The following TTC34 variants were observed in gnomAD, a reference collection of about 807,000 sequenced individuals.
The protein encoded by TTC34 is tetratricopeptide repeat protein 34.
A neutral mutation model predicts 40.7 loss-of-function variants in TTC34; 44 were observed. The observed-to-expected ratio is 1.08, with a 90% CI of 0.85 to 1.39. TTC34 has a LOEUF of 1.39. Among genes scored for constraint, TTC34 ranks in the 40% most tolerant of loss-of-function variants. TTC34 has a pLI of 0.00. For synonymous variants in TTC34, 422 were observed against 398.6 expected (o/e 1.06, Z -0.70); for missense variants, 884 against 838.0 (o/e 1.05, Z -0.68).
exon 9 of TTC34, chr1:2,641,456 C>T (rs1479245567): frequency 2.9e-5 from 45 of 1,535,566 alleles, no homozygotes; most frequent in Non-Finnish European, 3.7e-5. Flanking sequence ...CACCAGGAGG[C>T]CGCTCTCTAC....
At chr1:2,652,914 G>A (rs1639199688) in intron 6 of TTC34, among the ~76,000 whole-genome samples, 1 of 151,992 alleles carries the variant, frequency 6.6e-6, no homozygotes, top group Non-Finnish European at 1.5e-5. Context: ...AGAGTCTGGA[G>A]CAGCGCCCAC....
At chr1:2,759,409 C>T (rs1445799851) in intron 6 of TTC34, among the ~76,000 whole-genome samples, 1 of 109,638 alleles carries the variant, frequency 9.1e-6, no homozygotes, top group African/African-American at 4.0e-5. Flanking sequence ...CCCAGGTGGG[C>T]ATGTGACAGC....
Position 2,797,257 on chromosome 1 carries a change from G to A in TTC34, c.784+2787C>T, listed in dbSNP as rs540698446. On this transcript the variant is annotated intron_variant, in intron 2 of 8. Coordinates refer to ENST00000401095, the Ensembl canonical transcript of TTC34. ...CCCACCCACTAGCTGTTCAGTAAACGGCAGCTAATACTGCCATCCTCACCT... is the reference window on the plus strand; with the variant it reads ...CCCACCCACTAGCTGTTCAGTAAACAGCAGCTAATACTGCCATCCTCACCT... 4.6e-5 allele frequency among the ~76,000 whole-genome samples: 7 copies of A among 152,134 alleles called. No individual in the cohort carries two copies. In the East Asian group the frequency reaches 9.7e-4, roughly 21 times the overall value.
Position 2,789,649 on chromosome 1 carries a change from G to T in TTC34, c.1482C>A (p.Tyr494Ter), listed in dbSNP as rs1198624430. Reference sequence around the variant, plus strand: ...GCAGCCCCCGCTGGTTCCAGGGCACGTAGGCCTTGGCGGCCAGCAGCGCCT... The same window carrying T: ...GCAGCCCCCGCTGGTTCCAGGGCACTTAGGCCTTGGCGGCCAGCAGCGCCT... Residue 494 changes from tyrosine to a stop codon, truncating the protein, a stop_gained, in exon 3 of 9, where the codon TAC (tyrosine) becomes TAA (stop). Transcript: ENST00000401095. LOFTEE classifies it high-confidence loss of function. The T allele has an allele frequency of 1.9e-5, 26 of 1,340,044 alleles. No individual in the cohort carries two copies. The highest frequency in any genetic ancestry group is 3.9e-5 in the Admixed American group (1 of 25,622). The allele number at this position is 1,340,044 out of a possible 1,614,324, so 83.0% of individuals were successfully genotyped here. A position where few individuals can be genotyped will look rare whatever the true frequency, so the allele number is the denominator to read the frequency against.
chr1:2,772,940 C>G (rs868615534), intron 6 of TTC34, among the ~76,000 whole-genome samples: 5 of 137,456 alleles, frequency 3.6e-5, no homozygotes, highest in East Asian at 2.4e-4. Flanking sequence ...ACCCATACCC[C>G]CAGGCGAGCA....
chr1:2,699,500 G>A lies in TTC34; in HGVS notation c.2227-53937C>T, dbSNP rs557938134. ...CCTGGAGCAGCACCCACACACCCAG[G>A]CGAGAATCTGACAGCCTGGAACACC... On this transcript the variant is annotated intron_variant, in intron 6 of 8. Coordinates refer to ENST00000401095, the Ensembl canonical transcript of TTC34. Among the ~76,000 whole-genome samples the A allele has an allele frequency of 4.2e-5, 5 of 118,468 alleles. No homozygotes were observed. The East Asian group carries it at 1.1e-3, about 27-fold the overall frequency. 77.7% of individuals were successfully genotyped at this position (118,468 alleles called of 152,430 possible).
chr1:2,644,074 G>T (rs1024811771), intron 8 of TTC34, among the ~76,000 whole-genome samples, 190 bp downstream of exon 8: 4 of 152,246 alleles, frequency 2.6e-5, no homozygotes, highest in African/African-American at 9.6e-5. Flanking sequence ...CGGTGGGGTT[G>T]TAGGGCTAAG....
chr1:2,783,635 C>T, exon 6 of TTC34: 2 of 1,456,270 alleles, frequency 1.4e-6, no homozygotes, highest in Non-Finnish European at 1.8e-6. Context: ...GCCAGGTGCA[C>T]CAACGCCCGT....
intron 6 of TTC34, among the ~76,000 whole-genome samples, chr1:2,655,538 AGTGAGCATCTGACAG>A (rs1639314131): frequency 1.1e-5 from 1 of 93,548 alleles, no homozygotes; most frequent in African/African-American, 4.0e-5. Context: ...GCACACCCCC[AGTGAGCATCTGACAG>A]CCTGCAACAG....
chr1:2,750,447 C>CGA (rs1641278883), intron 6 of TTC34, among the ~76,000 whole-genome samples: 1 of 112,936 alleles, frequency 8.9e-6, no homozygotes, highest in Non-Finnish European at 1.8e-5. Flanking sequence ...ACCCACACAC[C>CGA]CAGGCGAGTA....
intron 6 of TTC34, among the ~76,000 whole-genome samples, chr1:2,656,435 AG>A (rs1181798487): frequency 1.6e-5 from 1 of 61,074 alleles, no homozygotes; most frequent in Non-Finnish European, 2.9e-5. Flanking sequence ...AGCATCTGAC[AG>A]CCTGCAACAG....
At chr1:2,666,178 G>C (rs1180356341) in intron 6 of TTC34, among the ~76,000 whole-genome samples, 85 of 88,426 alleles carry the variant, frequency 9.6e-4, no homozygotes, top group Admixed American at 1.4e-3. Flanking sequence ...ACCCACAGGT[G>C]AGCATCTGAC....
rs373638834 is a variant in TTC34, at chr1:2,788,748, G to A, written c.1628+755C>T. 3.3e-5 allele frequency among the ~76,000 whole-genome samples: 5 copies of A among 152,248 alleles called. No individual in the cohort carries two copies. The East Asian group carries it at 7.7e-4, about 23-fold the overall frequency. ...ACCCGGGAACTGCATGCCTGTCTCC[G>A]TCTCATGGAGAGAACATCCTGGAGA... On this transcript the variant is annotated intron_variant, in intron 3 of 8. Coordinates refer to ENST00000401095, the Ensembl canonical transcript of TTC34.
At chr1:2,697,984 T>C (rs144191049) in intron 6 of TTC34, among the ~76,000 whole-genome samples, 31 of 14,702 alleles carry the variant, frequency 2.1e-3, no homozygotes, top group African/African-American at 5.3e-3. Flanking sequence ...GAGCATCTTA[T>C]ATCCTGGAAC....
intron 3 of TTC34, 49 bp from the exon 4 acceptor site, chr1:2,787,755 C>A (rs1016785353): frequency 1.4e-6 from 2 of 1,431,194 alleles, no homozygotes; most frequent in Non-Finnish European, 1.9e-6. Flanking sequence ...ACAACCCCTC[C>A]ACCTGCCCAG....
Position 2,750,286 on chromosome 1 carries a change from C to T in TTC34, c.2226+33323G>A, listed in dbSNP as rs1332366417. Among the ~76,000 whole-genome samples, 360 of 137,454 alleles carry T rather than the reference C, an allele frequency of 2.6e-3. 101 individuals carry two copies. The highest frequency in any genetic ancestry group is 9.9e-3 in the African/African-American group (342 of 34,374). The allele number at this position is 137,454 out of a possible 152,430, so 90.2% of individuals were successfully genotyped here. A position where few individuals can be genotyped will look rare whatever the true frequency, so the allele number is the denominator to read the frequency against. ...ACAGCCTGGAAAAGAGCCCAGACCC[C>T]CAGGTGAGCATCTGACAGACTGGAA... On this transcript the variant is annotated intron_variant, in intron 6 of 8. Coordinates refer to ENST00000401095, the Ensembl canonical transcript of TTC34.
chr1:2,671,965 C>A, intron 6 of TTC34, among the ~76,000 whole-genome samples: 1 of 151,454 alleles, frequency 6.6e-6, no homozygotes, highest in Non-Finnish European at 1.5e-5. Flanking sequence ...AGGTGAGCAT[C>A]TGACAGCCCG....
chr1:2,652,731 G>A (rs1639192345), intron 6 of TTC34, among the ~76,000 whole-genome samples: 1 of 150,862 alleles, frequency 6.6e-6, no homozygotes, highest in African/African-American at 2.4e-5. Context: ...CACACCCCCA[G>A]GTGAGCATCT....
intron 8 of TTC34, among the ~76,000 whole-genome samples, chr1:2,643,224 G>T (rs1038912402): frequency 3.3e-5 from 5 of 152,236 alleles, no homozygotes; most frequent in East Asian, 3.9e-4. Context: ...GGAGGGGGCC[G>T]CCTGCCGAGG....
Sources: allele counts gnomAD v4.1 joint callset (sites outside exome capture counted in the v4.1 genomes callset), GRCh38; gene constraint gnomAD v4.1.1; transcripts MANE v1.5; gene names NCBI Gene and HGNC (gene_info 2026-07-23, HGNC 2026-07-21).